DOCK8: variants seen among roughly 807,000 people sequenced by gnomAD.
DOCK8 encodes the protein dedicator of cytokinesis 8.
A neutral mutation model predicts 245.6 loss-of-function variants in DOCK8; 141 were observed. The ratio of observed to expected loss-of-function variants is 0.57; its 90% CI spans 0.50 to 0.66. The LOEUF is 0.66. DOCK8 is among the 30% of genes least tolerant of loss of function. The pLI, the probability that DOCK8 is intolerant of heterozygous loss-of-function variation, is 0.00. For synonymous variants in DOCK8, 1,168 were observed against 970.2 expected (o/e 1.20, Z -3.79); for missense variants, 2,965 against 2,603.4 (o/e 1.14, Z -3.02).
chr9:453,726 C>T (rs894206740), intron 46 of DOCK8, among the ~76,000 whole-genome samples: 1 of 152,102 alleles, frequency 6.6e-6, no homozygotes, highest in Non-Finnish European at 1.5e-5. Flanking sequence ...CGTGCCCGGC[C>T]CTATTTTTTA....
intron 46 of DOCK8, among the ~76,000 whole-genome samples, chr9:453,244 C>T (rs771269734): frequency 4.6e-5 from 7 of 152,102 alleles, no homozygotes; most frequent in Admixed American, 6.5e-5. Flanking sequence ...TGTGGCTTTG[C>T]GTGTTTGTAT....
chr9:317,492 G>A (rs1449210613), intron 7 of DOCK8, among the ~76,000 whole-genome samples: 4 of 152,122 alleles, frequency 2.6e-5, no homozygotes, highest in Non-Finnish European at 4.4e-5. Flanking sequence ...TCCTGGGTTC[G>A]GTGAAGTCAC....
At chr9:396,003 T>C (rs918577872) in intron 24 of DOCK8, among the ~76,000 whole-genome samples, 4 of 152,142 alleles carry the variant, frequency 2.6e-5, no homozygotes, top group Non-Finnish European at 5.9e-5. Flanking sequence ...GTGACTTGTA[T>C]TGACACAAAG....
chr9:395,815 T>G (rs932591630), intron 24 of DOCK8, among the ~76,000 whole-genome samples: 20 of 151,924 alleles, frequency 1.3e-4, no homozygotes, highest in African/African-American at 4.6e-4. Context: ...TGAGATAGTA[T>G]TATTCTAGTC....
chr9:404,232 G>T (rs903885305), intron 26 of DOCK8, among the ~76,000 whole-genome samples: 5 of 151,688 alleles, frequency 3.3e-5, no homozygotes, highest in African/African-American at 1.2e-4. Context: ...GAAGCAAGGG[G>T]TCTCTTCCAG....
intron 37 of DOCK8, 107 bp from the exon 38 acceptor site, chr9:433,768 C>T (rs2056800141): frequency 1.8e-5 from 17 of 933,816 alleles, no homozygotes; most frequent in Non-Finnish European, 2.8e-5. Flanking sequence ...CTCTGCTGCC[C>T]TCTGATCCAA....
intron 28 of DOCK8, 73 bp from the exon 29 acceptor site, chr9:414,708 CT>C: frequency 1.3e-6 from 2 of 1,590,230 alleles, no homozygotes; most frequent in Non-Finnish European, 1.7e-6. Context: ...GTTTTCATCA[CT>C]CTTGACTGTT....
chr9:445,485 T>G (rs908042477), intron 43 of DOCK8, among the ~76,000 whole-genome samples: 1 of 152,134 alleles, frequency 6.6e-6, no homozygotes, highest in African/African-American at 2.4e-5. Flanking sequence ...GTGATGTGAG[T>G]GTGTGTTTAA....
At chr9:258,027 T>G (rs1354544972) in intron 1 of DOCK8, among the ~76,000 whole-genome samples, 1 of 152,238 alleles carries the variant, frequency 6.6e-6, no homozygotes, top group Non-Finnish European at 1.5e-5. Flanking sequence ...TTAGTTCAGT[T>G]GTCCCCCACA....
intron 24 of DOCK8, among the ~76,000 whole-genome samples, chr9:393,714 C>T (rs764531971): frequency 2.0e-5 from 3 of 152,208 alleles, no homozygotes; most frequent in Non-Finnish European, 4.4e-5. Context: ...CCCTGCTGAT[C>T]TAAGCATATT....
At chr9:449,531 G>A (rs1313014638) in intron 44 of DOCK8, among the ~76,000 whole-genome samples, 1 of 152,172 alleles carries the variant, frequency 6.6e-6, no homozygotes, top group Admixed American at 6.5e-5. Flanking sequence ...CCCTTTGACT[G>A]TAAAATGGAG....
chr9:327,952 C>G, intron 8 of DOCK8, 70 bp from the exon 9 acceptor site: 1 of 1,488,588 alleles, frequency 6.7e-7, no homozygotes, highest in Non-Finnish European at 9.4e-7. Context: ...TGTTTTTACT[C>G]CTTTTTAACA....
chr9:432,407 C>T (rs2056751590), intron 37 of DOCK8, 83 bp downstream of exon 37: 3 of 1,249,736 alleles, frequency 2.4e-6, no homozygotes, highest in South Asian at 2.6e-5. Context: ...CATATATACA[C>T]AATTTATATA....
chr9:247,027 A>G (rs1011102852), intron 1 of DOCK8, among the ~76,000 whole-genome samples: 4 of 152,224 alleles, frequency 2.6e-5, no homozygotes, highest in African/African-American at 9.6e-5. Flanking sequence ...TTGAATTTAG[A>G]ATTCCTTAAT....
intron 45 of DOCK8, among the ~76,000 whole-genome samples, chr9:451,609 C>T (rs1246196075): frequency 6.6e-6 from 1 of 151,912 alleles, no homozygotes; most frequent in Admixed American, 6.6e-5. Context: ...GGTGATAGAG[C>T]GAGACCCTGT....
intron 26 of DOCK8, among the ~76,000 whole-genome samples, chr9:403,878 C>CTG (rs2055234781): frequency 1.1e-5 from 1 of 89,578 alleles, no homozygotes; most frequent in Admixed American, 1.3e-4. Context: ...CTCTCTCTCT[C>CTG]TCTCTCTCTC....
At chr9:278,149 A>G in intron 2 of DOCK8, among the ~76,000 whole-genome samples, 1 of 152,060 alleles carries the variant, frequency 6.6e-6, no homozygotes, top group East Asian at 1.9e-4. Flanking sequence ...CTGCACACAG[A>G]GCAGACGTTT....
intron 20 of DOCK8, 142 bp from the exon 21 acceptor site, chr9:379,629 C>A: frequency 2.3e-6 from 2 of 859,412 alleles, no homozygotes; most frequent in Non-Finnish European, 3.8e-6. Flanking sequence ...CATGCCAGAG[C>A]TCACCAAAAC....
At chr9:252,797 CAA>C (rs113508710) in intron 1 of DOCK8, among the ~76,000 whole-genome samples, 2 of 142,730 alleles carry the variant, frequency 1.4e-5, no homozygotes, top group African/African-American at 2.6e-5. Flanking sequence ...GACTCCATCT[CAA>C]AAAAAAAAAA....
Sources: gnomAD v4.1 joint callset for allele counts (sites outside exome capture counted in the v4.1 genomes callset) on GRCh38, gnomAD v4.1.1 for gene constraint, MANE v1.5 for transcripts, NCBI Gene and HGNC (gene_info 2026-07-23, HGNC 2026-07-21) for gene names.